Variants in DYRK1A observed in about 807,000 individuals in gnomAD.
DYRK1A encodes the protein dual specificity tyrosine-phosphorylation-regulated kinase 1A.
DYRK1A carries 9 observed loss-of-function variants against 79.7 expected under a neutral mutation model. The observed-to-expected ratio is 0.11, with a 90% CI of 0.07 to 0.20. The LOEUF (loss-of-function observed/expected upper bound fraction) is 0.20, where lower values mean the gene tolerates loss of function less well. Ranked by LOEUF, DYRK1A falls within the 10% of genes least tolerant of loss-of-function variation. The pLI, the probability that DYRK1A is intolerant of heterozygous loss-of-function variation, is 1.00. For synonymous variants in DYRK1A, 349 were observed against 329.7 expected (o/e 1.06, Z -0.63); for missense variants, 622 against 956.0 (o/e 0.65, Z 4.61).
At chr21:37,406,937 A>AT (rs34373101) in intron 1 of DYRK1A, among the ~76,000 whole-genome samples, 9,092 of 138,342 alleles carry the variant, frequency 0.066, 435 homozygotes, top group African/African-American at 0.13. Flanking sequence ...AATTCTTTTG[A>AT]TTTTTTTTTT....
rs781780799 is a variant in DYRK1A at position 37,512,483 on chromosome 21, C to T, written c.2217C>T (p.Ser739=). 6.2e-6 allele frequency: 10 copies of T among 1,614,004 alleles called. No homozygotes were observed. The highest frequency in any genetic ancestry group is 5.3e-5 in the African/African-American group (4 of 74,876). ...TMRQGADREE[S]PMTGVCVQQS... ...GGCAAGGGGCTGATAGAGAAGAGTC[C>T]CCCATGACAGGAGTTTGTGTGCAAC... Residue 739 remains serine (S), a synonymous_variant, in exon 12 of 12, where the codon TCC becomes TCT. Transcript: ENST00000647188.
intron 2 of DYRK1A, among the ~76,000 whole-genome samples, chr21:37,469,555 T>C (rs1330241454): frequency 1.3e-5 from 2 of 152,176 alleles, no homozygotes; most frequent in Non-Finnish European, 2.9e-5. Flanking sequence ...TTCTTCAGGC[T>C]GTACAGGAAG....
upstream of DYRK1A, among the ~76,000 whole-genome samples, chr21:37,366,623 C>T (rs1443304166): frequency 1.3e-5 from 2 of 151,594 alleles, no homozygotes; most frequent in Non-Finnish European, 2.9e-5. Context: ...GGGTGGTTGG[C>T]TGGGGACAGA....
At chr21:37,397,140 C>G (rs1334671601) in intron 1 of DYRK1A, among the ~76,000 whole-genome samples, 1 of 152,146 alleles carries the variant, frequency 6.6e-6, no homozygotes, top group Non-Finnish European at 1.5e-5. Context: ...GCGAACTTAG[C>G]CACATGGCCA....
At position 37,480,787 on chromosome 21, in the gene DYRK1A, C is replaced by G. The variant is rs1049773; in HGVS notation, c.450C>G (p.Tyr150Ter). The change falls in exon 5 of 12, where the codon TAC becomes TAG. Residue 150 changes from tyrosine (Y) to a stop codon, truncating the protein, a stop_gained. Coordinates refer to ENST00000647188, the MANE Select transcript of DYRK1A (RefSeq NM_001347721.2). LOFTEE classifies it high-confidence loss of function. ...ACGGAGAAAAGTGGATGGATCGTTACGAAATTGACTCCTTGATAGGCAAAG... is the reference window on the plus strand; with the variant it reads ...ACGGAGAAAAGTGGATGGATCGTTAGGAAATTGACTCCTTGATAGGCAAAG... The part of the protein sequence containing the change: ...VKNGEKWMDR[Y>*]EIDSLIGKGS... 1 of 1,607,820 alleles carries G rather than the reference C, an allele frequency of 6.2e-7. No homozygotes were observed. The highest frequency in any genetic ancestry group is 8.5e-7 in the Non-Finnish European group (1 of 1,177,548).
intron 10 of DYRK1A, 106 bp downstream of exon 10, chr21:37,505,695 A>G (rs945233433): frequency 3.2e-6 from 4 of 1,234,736 alleles, no homozygotes; most frequent in African/African-American, 3.0e-5. Context: ...AGTGGGGAGC[A>G]GTTACTTTAC....
At chr21:37,388,961 A>C (rs1160144080) in intron 1 of DYRK1A, among the ~76,000 whole-genome samples, 1 of 146,736 alleles carries the variant, frequency 6.8e-6, no homozygotes, top group Non-Finnish European at 1.5e-5. Context: ...TTTGTACTAT[A>C]TTATTTTTTT....
At chr21:37,395,414 C>G (rs570749124) in intron 1 of DYRK1A, among the ~76,000 whole-genome samples, 2 of 152,062 alleles carry the variant, frequency 1.3e-5, no homozygotes, top group Non-Finnish European at 2.9e-5. Flanking sequence ...TCTGTGCTCC[C>G]GCTCCTCACC....
At position 37,373,487 on chromosome 21, in the gene DYRK1A, A is replaced by G. The variant is rs140572486; in HGVS notation, c.-77+5859A>G. ...GACTAAATACAGTGGCTTAAACGAG[A>G]AATTTATTTTTCCTTCATAAAACAA... On this transcript the variant is annotated intron_variant, in intron 1 of 11. Coordinates refer to ENST00000647188, the MANE Select transcript of DYRK1A (RefSeq NM_001347721.2). 5.7e-3 allele frequency among the ~76,000 whole-genome samples: 868 copies of G among 152,236 alleles called. 5 individuals are homozygous for G. The highest frequency in any genetic ancestry group is 0.02 in the Middle Eastern group (6 of 294).
chr21:37,509,316 A>G (rs2053687280), intron 11 of DYRK1A, among the ~76,000 whole-genome samples: 1 of 152,254 alleles, frequency 6.6e-6, no homozygotes, highest in Admixed American at 6.5e-5. Flanking sequence ...TAGTCTTGAC[A>G]TATATTTTGG....
intron 5 of DYRK1A, chr21:37,481,207 G>A (rs1210069990): frequency 6.5e-6 from 1 of 154,872 alleles, no homozygotes; most frequent in Non-Finnish European, 1.4e-5. Context: ...GAATTACCAT[G>A]TTCAGGTGGT....
In DYRK1A at chr21:37,475,684, T is replaced by A. The variant is rs576635044; in HGVS notation, c.208-2524T>A. Among the ~76,000 whole-genome samples the A allele has an allele frequency of 1.8e-4, 27 of 152,356 alleles. No individual in the cohort carries two copies. In the South Asian group the frequency reaches 5.2e-3, roughly 29 times the overall value. On this transcript the variant is annotated intron_variant, in intron 3 of 11. Coordinates refer to ENST00000647188, the MANE Select transcript of DYRK1A (RefSeq NM_001347721.2). ...GAGTATGACCAGTTGTGGAAAAGAT[T>A]AGCAACATTTTGTGAAGTGCTAAGC... is the stretch of plus-strand genomic sequence containing the variant.
intron 11 of DYRK1A, among the ~76,000 whole-genome samples, chr21:37,511,460 T>G (rs2053747032): frequency 6.6e-6 from 1 of 152,166 alleles, no homozygotes; most frequent in South Asian, 2.1e-4. Flanking sequence ...ACTCATAAGT[T>G]CTTGCTCATG....
chr21:37,466,421 A>G (rs1251650753), intron 2 of DYRK1A, among the ~76,000 whole-genome samples: 2 of 152,234 alleles, frequency 1.3e-5, no homozygotes, highest in Admixed American at 6.5e-5. Flanking sequence ...AATTCCAGCA[A>G]AAGATAAGAA....
chr21:37,485,133 GA>G (rs200508823), intron 5 of DYRK1A, among the ~76,000 whole-genome samples: 16 of 148,048 alleles, frequency 1.1e-4, no homozygotes, highest in African/African-American at 2.5e-4. Context: ...TGATGTAAAA[GA>G]AAAAAAAAAC....
Position 37,367,324 on chromosome 21 carries a change from C to G in DYRK1A, c.-381C>G, listed in dbSNP as rs1297322971. ...CCGGCAGCAGCCGCCGCTCGGCGCC[C>G]GGCCTCGCCGACGCCGCCCTCTGCG... On this transcript the variant is annotated 5_prime_UTR_variant, in exon 1 of 12. Transcript: ENST00000647188. The G allele has an allele frequency of 4.9e-5, 7 of 141,890 alleles. No homozygotes were observed. Among genetic ancestry groups the G allele is most frequent in the African/African-American group, 1.8e-4 (7 of 38,520 alleles). The allele number at this position is 141,890 out of a possible 1,614,324, so 8.8% of individuals were successfully genotyped here.
At chr21:37,389,821 C>G (rs1222206013) in intron 1 of DYRK1A, among the ~76,000 whole-genome samples, 2 of 151,970 alleles carry the variant, frequency 1.3e-5, no homozygotes, top group African/African-American at 2.4e-5. Context: ...GAATCCCATG[C>G]TGGTGTTCTG....
At chr21:37,369,065 A>G (rs1051742368) in intron 1 of DYRK1A, among the ~76,000 whole-genome samples, 7 of 152,116 alleles carry the variant, frequency 4.6e-5, no homozygotes, top group African/African-American at 1.7e-4. Context: ...GATTATAGTC[A>G]TTTTTTGAGT....
chr21:37,512,651 A>G lies in DYRK1A; in HGVS notation c.*120A>G. On this transcript the variant is annotated 3_prime_UTR_variant, in exon 12 of 12. Transcript: ENST00000647188. ...GATTAACACACTGAACCGCTACAAGAGGGCAAAGCTGATTTTTTTTTTAAC... is the reference window on the plus strand; with the variant it reads ...GATTAACACACTGAACCGCTACAAGGGGGCAAAGCTGATTTTTTTTTTAAC... 1 of 1,211,242 alleles carries G rather than the reference A, an allele frequency of 8.3e-7. No homozygotes were observed. The highest frequency in any genetic ancestry group is 1.1e-6 in the Non-Finnish European group (1 of 876,876). The allele number at this position is 1,211,242 out of a possible 1,614,324, so 75.0% of individuals were successfully genotyped here.
Sources: gnomAD v4.1 joint callset for allele counts (sites outside exome capture counted in the v4.1 genomes callset) on GRCh38, gnomAD v4.1.1 for gene constraint, MANE v1.5 for transcripts, NCBI Gene and HGNC (gene_info 2026-07-23, HGNC 2026-07-21) for gene names.